Variants in PDE8B observed in about 807,000 individuals in gnomAD.
PDE8B encodes the protein high affinity cAMP-specific and IBMX-insensitive 3',5'-cyclic phosphodiesterase 8B.
PDE8B carries 26 observed loss-of-function variants against 101.3 expected under a neutral mutation model. The ratio of observed to expected loss-of-function variants is 0.26; its 90% CI spans 0.19 to 0.36. The LOEUF is 0.36. Among genes scored for constraint, PDE8B ranks in the 10% least tolerant of loss-of-function variants. PDE8B has a pLI of 1.00. For missense variants in PDE8B, 810 were observed against 1,163.1 expected, an observed-to-expected ratio of 0.70 and a Z score of 4.42; for synonymous variants, 424 against 429.3, an observed-to-expected ratio of 0.99 and a Z score of 0.15.
chr5:77,389,550 T>G (rs555982532), intron 10 of PDE8B, among the ~76,000 whole-genome samples: 1 of 152,312 alleles, frequency 6.6e-6, no homozygotes, highest in Admixed American at 6.5e-5. Flanking sequence ...CCTTGAGTTT[T>G]GACAAAGCAT....
chr5:77,414,677 G>A (rs1425063047), intron 17 of PDE8B, among the ~76,000 whole-genome samples: 6 of 149,154 alleles, frequency 4.0e-5, no homozygotes, highest in South Asian at 2.2e-4. Context: ...TGATCCACCC[G>A]CCTCAACCTC....
At chr5:77,202,298 T>C in the PDE8B span, among the ~76,000 whole-genome samples, 1 of 152,228 alleles carries the variant, frequency 6.6e-6, no homozygotes, top group African/African-American at 2.4e-5. Context: ...CAGTTGACTC[T>C]TGAACACCAT....
chr5:77,346,196 C>T (rs1218942991), intron 7 of PDE8B, among the ~76,000 whole-genome samples: 6 of 152,226 alleles, frequency 3.9e-5, no homozygotes, highest in South Asian at 2.1e-4. Context: ...ATGGCTGCCC[C>T]GTGAAATGTA....
chr5:77,389,778 AT>A (rs961563962), intron 10 of PDE8B, among the ~76,000 whole-genome samples: 1 of 151,720 alleles, frequency 6.6e-6, no homozygotes, highest in African/African-American at 2.4e-5. Flanking sequence ...TCACTGTATC[AT>A]TTTTTTTCCT....
intron 10 of PDE8B, among the ~76,000 whole-genome samples, chr5:77,378,456 T>TA (rs58121927): frequency 3.8e-3 from 262 of 69,376 alleles, no homozygotes; most frequent in South Asian, 0.01. Context: ...AGACTCCATC[T>TA]AAAAAAAAAA....
At chr5:77,174,468 A>C in the PDE8B span, among the ~76,000 whole-genome samples, 26,940 of 151,766 alleles carry the variant, frequency 0.18, 3,687 homozygotes, top group East Asian at 0.37. Context: ...GTTATTAATT[A>C]TCTCTCTCTC....
At chr5:77,424,593 T>C (rs545657509) in intron 20 of PDE8B, among the ~76,000 whole-genome samples, 2 of 152,318 alleles carry the variant, frequency 1.3e-5, no homozygotes, top group East Asian at 3.9e-4. Context: ...TAATGGTCCA[T>C]GGATAAAAAC....
At chr5:77,234,348 T>C (rs1754241869) in intron 1 of PDE8B, among the ~76,000 whole-genome samples, 1 of 152,168 alleles carries the variant, frequency 6.6e-6, no homozygotes. Context: ...TATGGCATTT[T>C]ATCTTCTGCT....
intron 10 of PDE8B, among the ~76,000 whole-genome samples, chr5:77,379,893 ACTCAGTT>A (rs1355011066): frequency 1.3e-5 from 2 of 152,128 alleles, no homozygotes; most frequent in Non-Finnish European, 2.9e-5. Flanking sequence ...GTCTCAAATG[ACTCAGTT>A]CCTGCGATCA....
the PDE8B span, among the ~76,000 whole-genome samples, chr5:77,102,403 C>T: frequency 1.1e-4 from 16 of 152,168 alleles, no homozygotes; most frequent in Non-Finnish European, 1.9e-4. Flanking sequence ...ATCTCACAGC[C>T]TCCAATTTAG....
chr5:77,222,480 G>A (rs1324626027), intron 1 of PDE8B, among the ~76,000 whole-genome samples: 1 of 152,124 alleles, frequency 6.6e-6, no homozygotes, highest in Non-Finnish European at 1.5e-5. Flanking sequence ...AAATTAGCTG[G>A]GCGTGGTGGC....
intron 21 of PDE8B, 188 bp from the exon 22 acceptor site, chr5:77,426,257 T>G: frequency 1.6e-6 from 1 of 635,494 alleles, no homozygotes; most frequent in Middle Eastern, 4.2e-4. Flanking sequence ...ATGTCACTGA[T>G]AAGCAGCTTT....
At chr5:77,374,601 T>C (rs1283128624) in intron 10 of PDE8B, among the ~76,000 whole-genome samples, 1 of 152,336 alleles carries the variant, frequency 6.6e-6, no homozygotes, top group Admixed American at 6.5e-5. Flanking sequence ...TACCAATTCA[T>C]GTGAAACATA....
chr5:77,288,117 CTG>C (rs1766437952), intron 1 of PDE8B, among the ~76,000 whole-genome samples: 1 of 152,200 alleles, frequency 6.6e-6, no homozygotes, highest in South Asian at 2.1e-4. Context: ...AACTCAGTGA[CTG>C]AGATGAGTCA....
chr5:77,278,731 G>A (rs1764348209), intron 1 of PDE8B, among the ~76,000 whole-genome samples: 1 of 152,138 alleles, frequency 6.6e-6, no homozygotes, highest in African/African-American at 2.4e-5. Flanking sequence ...TGGGATTACA[G>A]GCATGACCCA....
chr5:77,326,410 G>A (rs1982661), intron 3 of PDE8B, among the ~76,000 whole-genome samples: 72,698 of 152,032 alleles, frequency 0.48, 17,753 homozygotes, highest in East Asian at 0.74. Context: ...ACAGAGTCCA[G>A]TTGCATGGGG....
chr5:77,342,734 T>C (rs1486113364), intron 6 of PDE8B, among the ~76,000 whole-genome samples: 1 of 152,124 alleles, frequency 6.6e-6, no homozygotes, highest in Non-Finnish European at 1.5e-5. Context: ...AAATGAGAGT[T>C]TGATTCCAAA....
At chr5:77,245,812 G>T (rs1756744555) in intron 1 of PDE8B, among the ~76,000 whole-genome samples, 1 of 122,002 alleles carries the variant, frequency 8.2e-6, no homozygotes, top group African/African-American at 3.3e-5. Context: ...TATGTATTTT[G>T]TACCCCTCCT....
chr5:77,360,370 T>C (rs1392674446), intron 10 of PDE8B, among the ~76,000 whole-genome samples: 3 of 152,246 alleles, frequency 2.0e-5, no homozygotes, highest in African/African-American at 4.8e-5. Context: ...CCAAGAGACT[T>C]ACAGTACCTT....
Sources: gnomAD v4.1 joint callset for allele counts (sites outside exome capture counted in the v4.1 genomes callset) on GRCh38, gnomAD v4.1.1 for gene constraint, MANE v1.5 for transcripts, NCBI Gene and HGNC (gene_info 2026-07-23, HGNC 2026-07-21) for gene names.